REPS2: variants seen among roughly 807,000 people sequenced by gnomAD.
REPS2 encodes the protein RALBP1 associated Eps domain containing 2.
A neutral mutation model predicts 53.6 loss-of-function variants in REPS2; 23 were observed. The observed-to-expected ratio is 0.43, with a 90% CI of 0.31 to 0.61. REPS2 has a LOEUF of 0.61. Ranked by LOEUF, REPS2 falls within the 20% of genes least tolerant of loss-of-function variation. REPS2 has a pLI of 0.11. For missense variants in REPS2, 446 were observed against 534.9 expected (o/e 0.83, Z 1.64); for synonymous variants, 238 against 218.6 (o/e 1.09, Z -0.78).
Position 17,148,775 on chromosome X carries a change from C to G in REPS2, c.*1294C>G. ...TACTGACCCTCACAGGGCATGCCAG[C>G]GTTAACACCACTTTGAGAGACCAAT... On this transcript the variant is annotated 3_prime_UTR_variant, in exon 18 of 18. Coordinates refer to ENST00000357277, the MANE Select transcript of REPS2 (RefSeq NM_004726.3). 4.0e-6 allele frequency: 1 copy of G among 249,777 alleles called. No individual in the cohort carries two copies. Among genetic ancestry groups the G allele is most frequent in the Non-Finnish European group, 7.6e-6 (1 of 131,633 alleles). The allele number at this position is 249,777 out of a possible 1,213,427, so 20.6% of individuals were successfully genotyped here.
chrX:17,121,407 C>T (rs2063140121), intron 14 of REPS2, among the ~76,000 whole-genome samples: 1 of 112,562 alleles, frequency 8.9e-6, no homozygotes, highest in Non-Finnish European at 1.9e-5. Context: ...GCAAGTGGAG[C>T]TGGGAAGAGA....
At chrX:17,003,260 G>A in intron 1 of REPS2, among the ~76,000 whole-genome samples, 1 of 111,980 alleles carries the variant, frequency 8.9e-6, no homozygotes, top group South Asian at 3.7e-4. Context: ...CATGCCATGT[G>A]GAATTGACTA....
chrX:17,083,880 TTTTTTTG>T (rs2062495333), intron 13 of REPS2, among the ~76,000 whole-genome samples: 1 of 109,528 alleles, frequency 9.1e-6, no homozygotes, highest in African/African-American at 3.5e-5. Flanking sequence ...TTTTGTTTTG[TTTTTTTG>T]TTTTTTTTAA....
At chrX:17,094,338 T>C (rs1024144202) in intron 13 of REPS2, among the ~76,000 whole-genome samples, 2 of 112,176 alleles carry the variant, frequency 1.8e-5, no homozygotes, top group Admixed American at 1.9e-4. Flanking sequence ...TCTGATCCTT[T>C]GTATATGACT....
At chrX:16,949,438 C>T (rs1307399054) in intron 1 of REPS2, among the ~76,000 whole-genome samples, 2 of 112,301 alleles carry the variant, frequency 1.8e-5, no homozygotes, top group East Asian at 5.5e-4. Flanking sequence ...GATGGAGTCT[C>T]GTTCTGTTGC....
At position 17,026,454 on chromosome X, in the gene REPS2, GTT is replaced by G. The variant is rs781128245; in HGVS notation, c.673+1284_673+1285del. Among the ~76,000 whole-genome samples the G allele has an allele frequency of 7.7e-4, 72 of 93,343 alleles. No homozygotes were observed. In the Admixed American group the frequency reaches 8.1e-3, roughly 10 times the overall value. The allele number at this position is 93,343 out of a possible 115,157, so 81.1% of individuals were successfully genotyped here. ...CTGATTTCCCTATTTTCAGGAGTGG[GTT>G]TTTTTTTTTTTTTTCCTATTTCTAA... On this transcript the variant is annotated intron_variant, in intron 4 of 17. Coordinates refer to ENST00000357277, the MANE Select transcript of REPS2 (RefSeq NM_004726.3).
intron 1 of REPS2, among the ~76,000 whole-genome samples, chrX:16,991,005 T>A (rs1012126143): frequency 3.6e-5 from 4 of 110,904 alleles, no homozygotes; most frequent in Non-Finnish European, 5.7e-5. Context: ...TGGGTCCATG[T>A]GAGTGAGTCC....
intron 5 of REPS2, among the ~76,000 whole-genome samples, chrX:17,046,628 A>T (rs1212414538): frequency 2.7e-5 from 3 of 112,031 alleles, no homozygotes; most frequent in African/African-American, 9.7e-5. Flanking sequence ...TGCCTACCAT[A>T]GCTTTGTTTT....
At chrX:17,105,646 A>G (rs918810092) in intron 14 of REPS2, among the ~76,000 whole-genome samples, 4 of 111,826 alleles carry the variant, frequency 3.6e-5, no homozygotes, top group African/African-American at 1.3e-4. Flanking sequence ...CAGTGAGCCC[A>G]GTACTCAGCC....
intron 4 of REPS2, among the ~76,000 whole-genome samples, chrX:17,026,331 A>G (rs750550873): frequency 2.1e-4 from 23 of 112,029 alleles, no homozygotes; most frequent in Admixed American, 7.6e-4. Context: ...AATGGATAGT[A>G]ACAAAAAAAT....
intron 1 of REPS2, among the ~76,000 whole-genome samples, chrX:16,948,573 G>A (rs979333120): frequency 4.4e-5 from 5 of 112,401 alleles, no homozygotes; most frequent in Non-Finnish European, 9.4e-5. Context: ...TATGCAGCAA[G>A]TAAGTGACAG....
At position 16,946,886 on chromosome X, in the gene REPS2, G is replaced by A; in HGVS notation, c.25G>A (p.Ala9Thr). The change falls in exon 1 of 18, where the codon GCG becomes ACG. Residue 9 changes from alanine (A) to threonine (T), a missense_variant. Ala to Thr is a moderately conservative substitution (Grantham distance 58). Transcript: ENST00000357277. Reference sequence around the variant, plus strand: ...CATGGAGGCGGCAGCGGCGGCGGCGGCGGCGGCAGCGGCAGCGGCAGCGGC... The same window carrying A: ...CATGGAGGCGGCAGCGGCGGCGGCGACGGCGGCAGCGGCAGCGGCAGCGGC... MEAAAAAAAAAAAAAAAGG... is the reference protein window; with the variant it reads MEAAAAAATAAAAAAAAGG... 1.3e-6 allele frequency: 1 copy of A among 772,617 alleles called. No homozygotes were observed. Among genetic ancestry groups the A allele is most frequent in the Non-Finnish European group, 1.5e-6 (1 of 654,276 alleles). 63.7% of individuals were successfully genotyped at this position (772,617 alleles called of 1,213,427 possible).
chrX:17,166,882 G>C, the REPS2 span, among the ~76,000 whole-genome samples: 1 of 112,120 alleles, frequency 8.9e-6, no homozygotes, highest in East Asian at 2.8e-4. Context: ...AATTTTAGGT[G>C]TACATACTGA....
At chrX:16,961,602 A>G (rs773693780) in intron 1 of REPS2, among the ~76,000 whole-genome samples, 72 of 112,162 alleles carry the variant, frequency 6.4e-4, no homozygotes, top group Middle Eastern at 9.1e-3. Context: ...TTTAGACATC[A>G]CACCAAAAGC....
At position 17,059,919 on chromosome X, in the gene REPS2, A is replaced by AG. The variant is rs2062133566; in HGVS notation, c.1115-2519_1115-2518insG. ...CGCTAGCCTTTTGATAGTTTCATCA[A>AG]AAGTCTCCTTTTGATAGTTTCATCA... On this transcript the variant is annotated intron_variant, in intron 8 of 17. Transcript: ENST00000357277. 3.6e-5 allele frequency among the ~76,000 whole-genome samples: 4 copies of AG among 112,653 alleles called. No individual in the cohort carries two copies. The South Asian group carries it at 1.1e-3, about 31-fold the overall frequency.
intron 1 of REPS2, among the ~76,000 whole-genome samples, chrX:16,965,561 G>C (rs1434666500): frequency 1.8e-5 from 2 of 111,229 alleles, no homozygotes; most frequent in Non-Finnish European, 3.8e-5. Context: ...GGGCGTCCGG[G>C]CAGAGACGCT....
chrX:17,187,762 C>T, the REPS2 span, among the ~76,000 whole-genome samples: 4 of 112,132 alleles, frequency 3.6e-5, no homozygotes, highest in Admixed American at 3.8e-4. Context: ...GCCTTCAGAC[C>T]TTTGGGGACC....
intron 14 of REPS2, among the ~76,000 whole-genome samples, chrX:17,123,045 G>C (rs1001540669): frequency 4.4e-5 from 5 of 112,396 alleles, no homozygotes; most frequent in Non-Finnish European, 9.4e-5. Context: ...ATATATGTCA[G>C]AGATTGGGGC....
chrX:17,031,172 G>T lies in REPS2; in HGVS notation c.771+1549G>T, dbSNP rs1403953219. On this transcript the variant is annotated intron_variant, in intron 5 of 17. Coordinates refer to ENST00000357277, the MANE Select transcript of REPS2 (RefSeq NM_004726.3). ...GAGGTTTACGTTAGAAAAGGTATCA[G>T]TAGGACTGGGATTTATCCCTAAGCT... Among the ~76,000 whole-genome samples the T allele has an allele frequency of 3.6e-5, 4 of 112,404 alleles. No individual in the cohort carries two copies. The Admixed American group carries it at 3.8e-4, about 11-fold the overall frequency.
Sources: gnomAD v4.1 joint callset for allele counts (sites outside exome capture counted in the v4.1 genomes callset) on GRCh38, gnomAD v4.1.1 for gene constraint, MANE v1.5 for transcripts, NCBI Gene and HGNC (gene_info 2026-07-23, HGNC 2026-07-21) for gene names.